ATP6V0A4: variants seen among roughly 807,000 people sequenced by gnomAD.
ATP6V0A4 encodes V-type proton ATPase 116 kDa subunit a 4.
Under a neutral mutation model 107.3 loss-of-function variants are expected in ATP6V0A4, and 86 were observed. The observed-to-expected ratio is 0.80, with a 90% CI of 0.67 to 0.96. The LOEUF is 0.96. Ranked by LOEUF, ATP6V0A4 falls within the 40% of genes least tolerant of loss-of-function variation. ATP6V0A4 has a pLI of 0.00. For missense variants in ATP6V0A4, 908 were observed against 1,045.6 expected (o/e 0.87, Z 1.81); for synonymous variants, 353 against 381.4 (o/e 0.93, Z 0.87).
rs1803638116 is a variant in ATP6V0A4, at chr7:138,709,735, C to A, written c.2318G>T (p.Gly773Val). ...MNSGLQTRGW[G>V]GIVGVFIIFA... ...AATAATAAAAACCCCGACGATTCCT[C>A]CCCAGCCTCGCGTCTGAAGGCCGCT... The change falls in exon 21 of 22, where the codon GGA becomes GTA. Residue 773 changes from glycine to valine, a missense_variant. Gly to Val is a moderately radical substitution (Grantham distance 109, BLOSUM62 -3). Coordinates refer to ENST00000310018, the MANE Select transcript of ATP6V0A4 (RefSeq NM_020632.3). The A allele has an allele frequency of 6.2e-7, 1 of 1,613,972 alleles. No individual in the cohort carries two copies. The highest frequency in any genetic ancestry group is 1.3e-5 in the African/African-American group (1 of 74,920).
At chr7:138,793,675 C>T (rs62486975) in intron 1 of ATP6V0A4, among the ~76,000 whole-genome samples, 1 of 152,046 alleles carries the variant, frequency 6.6e-6, no homozygotes, top group Non-Finnish European at 1.5e-5. Flanking sequence ...TCGCAGGTCA[C>T]AGTGCAACTA....
rs1283097249 is a variant in ATP6V0A4, at chr7:138,773,906, T to G, written c.-17-2642A>C. ...CGCACGGAGCAGGGAGCCCCAGGTC[T>G]GGCAGCCCTCCGTGCTTGCTAGCAG... On this transcript the variant is annotated intron_variant, in intron 2 of 21. Coordinates refer to ENST00000310018, the MANE Select transcript of ATP6V0A4 (RefSeq NM_020632.3). The surrounding 1 kb of genome is among the most constrained non-coding windows in gnomAD (Gnocchi z 5.4). 2 of 152,268 alleles carry G rather than the reference T, an allele frequency of 1.3e-5. No homozygotes were observed. The highest frequency in any genetic ancestry group is 2.9e-5 in the Non-Finnish European group (2 of 68,066). 9.4% of individuals were successfully genotyped at this position (152,268 alleles called of 1,614,324 possible).
Position 138,747,548 on chromosome 7 carries a change from G to A in ATP6V0A4, c.1197C>T (p.Ile399=). Residue 399 remains isoleucine (I), a synonymous_variant, in exon 13 of 22, where the codon ATC becomes ATT. Transcript: ENST00000310018. ...TCACAGCGAACAGGAAGGGGAAAGT[G>A]ATGATGGTGTAGGGGGCTGCGGAGG... The part of the protein sequence containing the change: ...REINPAPYTI[I]TFPFLFAVMF... 6.2e-7 allele frequency: 1 copy of A among 1,614,114 alleles called. No homozygotes were observed. The highest frequency in any genetic ancestry group is 1.1e-5 in the South Asian group (1 of 91,070).
At position 138,753,494 on chromosome 7, in the gene ATP6V0A4, C is replaced by G. The variant is rs1415517168; in HGVS notation, c.817-657G>C. On this transcript the variant is annotated intron_variant, in intron 10 of 21. Coordinates refer to ENST00000310018, the MANE Select transcript of ATP6V0A4 (RefSeq NM_020632.3). ...TTTGCTGTAATTTGTTACAGCAACC[C>G]TAAGAGATTACTACATCTACCACAA... 2.6e-5 allele frequency among the ~76,000 whole-genome samples: 4 copies of G among 152,158 alleles called. No homozygotes were observed. The East Asian group carries it at 7.7e-4, about 29-fold the overall frequency.
chr7:138,706,718 C>A lies in ATP6V0A4; in HGVS notation c.2430-1G>T. On this transcript the variant is annotated splice_acceptor_variant, in intron 21 of 21. Transcript: ENST00000310018. LOFTEE classifies it high-confidence loss of function. ...ATAGAACTTGTTCTGGAACTCAACC[C>A]TGTTGTTGAGGGGAGGCCGTGGGGT... is the stretch of plus-strand genomic sequence containing the variant. 1 of 1,613,180 alleles carries A rather than the reference C, an allele frequency of 6.2e-7. No individual in the cohort carries two copies. The highest frequency in any genetic ancestry group is 1.1e-5 in the South Asian group (1 of 91,044).
rs1449978365 is a variant in ATP6V0A4, at chr7:138,784,214, TTATATATATATATATATATACG to T, written c.-18+1922_-18+1943del. On this transcript the variant is annotated intron_variant, in intron 2 of 21. Transcript: ENST00000310018. ...TAATCCACCTATGAATCCTTAAACA[TTATATATATATATATATATACG>T]TATATATATATATATACATATATAT... Among the ~76,000 whole-genome samples the T allele has an allele frequency of 5.6e-4, 47 of 83,556 alleles. 2 individuals carry two copies. The highest frequency in any genetic ancestry group is 2.5e-3 in the African/African-American group (41 of 16,356). 54.8% of individuals were successfully genotyped at this position (83,556 alleles called of 152,430 possible). A position where few individuals can be genotyped will look rare whatever the true frequency, so the allele number is the denominator to read the frequency against.
chr7:138,714,612 T>A (rs780893017), intron 20 of ATP6V0A4, among the ~76,000 whole-genome samples: 11 of 152,042 alleles, frequency 7.2e-5, no homozygotes, highest in Non-Finnish European at 1.6e-4. Context: ...TAGATACAAT[T>A]GTATTTCTGG....
chr7:138,746,574 G>T lies in ATP6V0A4; in HGVS notation c.1320+851C>A, dbSNP rs145260473. ...GCTGGAGTAAAGTGGCGCAATCTCA[G>T]CTCACTGCAACCTCCACCTCCCGGG... On this transcript the variant is annotated intron_variant, in intron 13 of 21. Coordinates refer to ENST00000310018, the MANE Select transcript of ATP6V0A4 (RefSeq NM_020632.3). Among the ~76,000 whole-genome samples, 269 of 151,796 alleles carry T rather than the reference G, an allele frequency of 1.8e-3. 2 individuals are homozygous for T. Among genetic ancestry groups the T allele is most frequent in the African/African-American group, 6.2e-3 (258 of 41,344 alleles).
At chr7:138,775,938 C>T (rs1450951241) in intron 2 of ATP6V0A4, among the ~76,000 whole-genome samples, 2 of 152,142 alleles carry the variant, frequency 1.3e-5, no homozygotes, top group Non-Finnish European at 2.9e-5. Flanking sequence ...GCGTGAGCCA[C>T]CGTGCTCAGC....
At chr7:138,750,874 G>A (rs537866211) in intron 11 of ATP6V0A4, among the ~76,000 whole-genome samples, 5 of 152,260 alleles carry the variant, frequency 3.3e-5, no homozygotes, top group Admixed American at 2.0e-4. Context: ...CTATAGGACT[G>A]TAGTCAGGTT....
At chr7:138,782,046 C>T (rs968585191) in intron 2 of ATP6V0A4, among the ~76,000 whole-genome samples, 7 of 152,066 alleles carry the variant, frequency 4.6e-5, no homozygotes, top group African/African-American at 1.7e-4. Context: ...GCCTGGGGAC[C>T]GCAGAATTGG....
Position 138,733,093 on chromosome 7 carries a change from T to A in ATP6V0A4, c.1692A>T (p.Ile564=). 1.9e-6 allele frequency: 3 copies of A among 1,614,040 alleles called. No individual in the cohort carries two copies. Among genetic ancestry groups the A allele is most frequent in the Non-Finnish European group, 2.5e-6 (3 of 1,179,954 alleles). Residue 564 remains isoleucine, a splice_region_variant and synonymous_variant, in exon 17 of 22, where the codon ATA becomes ATT. Coordinates refer to ENST00000310018, the MANE Select transcript of ATP6V0A4 (RefSeq NM_020632.3). ...TGATGTTGAGAGTTCTTCTGAAGTA[T>A]CTGGGGGTGGAAGACACACACATAC... ...FGVILSLFNH[I]YFRRTLNIIL...
At chr7:138,742,730 C>T (rs552285818) in intron 14 of ATP6V0A4, among the ~76,000 whole-genome samples, 3 of 151,040 alleles carry the variant, frequency 2.0e-5, no homozygotes, top group African/African-American at 2.4e-5. Context: ...ACAGGGTCTC[C>T]CTATATTGCC....
chr7:138,739,920 A>T (rs893541589), intron 14 of ATP6V0A4, among the ~76,000 whole-genome samples: 3 of 152,092 alleles, frequency 2.0e-5, no homozygotes, highest in Middle Eastern at 3.4e-3. Flanking sequence ...AGGTGGGAGG[A>T]TCCCTTAAGT....
intron 10 of ATP6V0A4, among the ~76,000 whole-genome samples, chr7:138,753,492 C>G (rs541821517): frequency 6.6e-6 from 1 of 152,284 alleles, no homozygotes; most frequent in Non-Finnish European, 1.5e-5. Flanking sequence ...GTTACAGCAA[C>G]CCTAAGAGAT....
intron 19 of ATP6V0A4, among the ~76,000 whole-genome samples, chr7:138,718,097 G>C (rs1412380589): frequency 2.6e-5 from 2 of 76,362 alleles, no homozygotes; most frequent in East Asian, 5.1e-4. Flanking sequence ...GGAAGGAATG[G>C]GGGGCGGGGG....
chr7:138,732,438 C>T (rs911972186), intron 17 of ATP6V0A4, among the ~76,000 whole-genome samples: 5 of 152,122 alleles, frequency 3.3e-5, no homozygotes, highest in Non-Finnish European at 5.9e-5. Flanking sequence ...AAGGATGTAA[C>T]ACCCTCCACT....
At chr7:138,759,267 C>G (rs149571127) in intron 8 of ATP6V0A4, among the ~76,000 whole-genome samples, 1 of 151,524 alleles carries the variant, frequency 6.6e-6, no homozygotes, top group African/African-American at 2.4e-5. Flanking sequence ...GTTGCCCAGG[C>G]TGGTCTCAAT....
chr7:138,728,762 T>G lies in ATP6V0A4; in HGVS notation c.2009A>C (p.Gln670Pro). The change falls in exon 18 of 22, where the codon CAG (glutamine) becomes CCG (proline). Residue 670 changes from glutamine (Q) to proline (P), a missense_variant and splice_region_variant. Coordinates refer to ENST00000310018, the MANE Select transcript of ATP6V0A4 (RefSeq NM_020632.3). ...TGAACTGAAACAAACAGCCCTTACC[T>G]GGGATTTCCGATGACTGGCTCTAAG... is the stretch of plus-strand genomic sequence containing the variant. ...FILRASHRKS[Q>P]LQASRIQEDA... 1 of 1,614,192 alleles carries G rather than the reference T, an allele frequency of 6.2e-7. No individual in the cohort carries two copies. The highest frequency in any genetic ancestry group is 8.5e-7 in the Non-Finnish European group (1 of 1,180,036).
Sources: gnomAD v4.1 joint callset for allele counts (sites outside exome capture counted in the v4.1 genomes callset) on GRCh38, gnomAD v4.1.1 for gene constraint, Gnocchi (gnomAD v3.1) non-coding constraint, MANE v1.5 for transcripts, NCBI Gene and HGNC (gene_info 2026-07-23, HGNC 2026-07-21) for gene names.